Variants in HJV observed in about 807,000 individuals in gnomAD.
The protein encoded by HJV is hemojuvelin BMP co-receptor.
In HJV, 18 loss-of-function variants were observed where a neutral mutation model predicts 22.7. The observed-to-expected ratio is 0.79, with a 90% CI of 0.55 to 1.18. The LOEUF is 1.18. Among genes scored for constraint, HJV ranks in the 50% most tolerant of loss-of-function variants. HJV has a pLI of 0.00. For synonymous variants in HJV, 229 were observed against 222.7 expected (o/e 1.03, Z -0.25); for missense variants, 572 against 553.0 (o/e 1.03, Z -0.34).
In HJV at chr1:146,017,872, C is replaced by G; in HGVS notation, c.*205G>C. ...CTGGAAAAATTGGTGAAGAGCCCCA[C>G]AGAGATCCGGAATGCAGTAACCTTG... is the stretch of plus-strand genomic sequence containing the variant. On this transcript the variant is annotated 3_prime_UTR_variant, in exon 4 of 4. Coordinates refer to ENST00000336751, the MANE Select transcript of HJV (RefSeq NM_213653.4). 1.6e-6 allele frequency: 1 copy of G among 623,326 alleles called. No individual in the cohort carries two copies. The highest frequency in any genetic ancestry group is 2.9e-6 in the Non-Finnish European group (1 of 350,602). The allele number at this position is 623,326 out of a possible 1,614,324, so 38.6% of individuals were successfully genotyped here. A position where few individuals can be genotyped will look rare whatever the true frequency, so the allele number is the denominator to read the frequency against.
rs781898605 is a variant in HJV, at chr1:146,018,342, G to T, written c.1016C>A (p.Thr339Asn). ...GCACAGCCGTCTGGCAGTATCAATGGTTATAGCTCCCCGACGATTGCGCTC... is the reference window on the plus strand; with the variant it reads ...GCACAGCCGTCTGGCAGTATCAATGTTTATAGCTCCCCGACGATTGCGCTC... ...RSERNRRGAI[T>N]IDTARRLCKE... The change falls in exon 4 of 4, where the codon ACC becomes AAC. Residue 339 changes from threonine to asparagine, a missense_variant. Coordinates refer to ENST00000336751, the MANE Select transcript of HJV (RefSeq NM_213653.4). 1.2e-6 allele frequency: 2 copies of T among 1,614,198 alleles called. No homozygotes were observed. The highest frequency in any genetic ancestry group is 1.7e-5 in the Admixed American group (1 of 60,028).
chr1:146,019,599 C>G lies in HJV; in HGVS notation c.233G>C (p.Gly78Ala), dbSNP rs1652586745. 1 of 1,613,530 alleles carries G rather than the reference C, an allele frequency of 6.2e-7. No individual in the cohort carries two copies. The change falls in exon 3 of 4, where the codon GGC (glycine) becomes GCC (alanine). Residue 78 changes from glycine (G) to alanine (A), a missense_variant. Transcript: ENST00000336751. ...ATAGGAGCGGAGGGCTCGACAGAGG[C>G]CGCCAGAGCCCACCCCTCCACCCCG... ...GGRGGGVGSG[G>A]LCRALRSYAL...
chr1:146,020,499 CT>C (rs1553769990), intron 1 of HJV, among the ~76,000 whole-genome samples, 179 bp from the exon 2 acceptor site: 2 of 152,170 alleles, frequency 1.3e-5, no homozygotes, highest in African/African-American at 4.8e-5. Context: ...CCTGTGGCCA[CT>C]TTTAGGGCCC....
chr1:146,021,000 C>A (rs1364642205), intron 1 of HJV, among the ~76,000 whole-genome samples: 1 of 152,198 alleles, frequency 6.6e-6, no homozygotes, highest in African/African-American at 2.4e-5. Flanking sequence ...TTCCATTAAT[C>A]TCTTCTTTTC....
chr1:146,019,583 G>A lies in HJV; in HGVS notation c.249C>T (p.Leu83=). The change falls in exon 3 of 4, where the codon CTC becomes CTT. Residue 83 remains leucine, a synonymous_variant. Coordinates refer to ENST00000336751, the MANE Select transcript of HJV (RefSeq NM_213653.4). ...GCCGAGTGCAGAGCGCATAGGAGCGGAGGGCTCGACAGAGGCCGCCAGAGC... is the reference window on the plus strand; with the variant it reads ...GCCGAGTGCAGAGCGCATAGGAGCGAAGGGCTCGACAGAGGCCGCCAGAGC... ...GVGSGGLCRA[L]RSYALCTRRT... is the part of the protein sequence containing the mutation. 2 of 1,613,610 alleles carry A rather than the reference G, an allele frequency of 1.2e-6. No individual in the cohort carries two copies. Among genetic ancestry groups the A allele is most frequent in the Non-Finnish European group, 8.5e-7 (1 of 1,180,014 alleles).
In HJV at chr1:146,019,690, A is replaced by G; in HGVS notation, c.142T>C (p.Ser48Pro). The G allele has an allele frequency of 1.2e-6, 2 of 1,613,930 alleles. No individual in the cohort carries two copies. The highest frequency in any genetic ancestry group is 1.7e-6 in the Non-Finnish European group (2 of 1,179,974). Residue 48 changes from serine (S) to proline (P), a missense_variant, in exon 3 of 4, where the codon TCG (serine) becomes CCG (proline). By Grantham distance (74) the Ser-to-Pro change is moderately conservative (BLOSUM62 -1). Coordinates refer to ENST00000336751, the MANE Select transcript of HJV (RefSeq NM_213653.4). ...KILRCNAEYV[S>P]STLSLRGGGS... ...CCACCTCTAAGGCTCAGAGTGGACG[A>G]TACGTACTCAGCATTGCAGCGGAGG...
chr1:146,017,626 T>A lies in HJV; in HGVS notation c.*451A>T. 1 of 214,090 alleles carries A rather than the reference T, an allele frequency of 4.7e-6. No individual in the cohort carries two copies. Among genetic ancestry groups the A allele is most frequent in the South Asian group, 8.8e-5 (1 of 11,408 alleles). 13.3% of individuals were successfully genotyped at this position (214,090 alleles called of 1,614,324 possible). ...TTGAATCAAGAAAGCAGAACATACC[T>A]TACACACACATATTCATCAAATAGA... On this transcript the variant is annotated 3_prime_UTR_variant, in exon 4 of 4. Coordinates refer to ENST00000336751, the MANE Select transcript of HJV (RefSeq NM_213653.4).
intron 2 of HJV, among the ~76,000 whole-genome samples, 162 bp downstream of exon 2, chr1:146,019,973 C>T (rs1652618804): frequency 6.6e-6 from 1 of 152,252 alleles, no homozygotes. Flanking sequence ...CAGTGGCCTT[C>T]CCCAGACTGA....
In HJV at chr1:146,019,378, C is replaced by A. The variant is rs781817183; in HGVS notation, c.454G>T (p.Gly152Cys). ...CGACCATGCAGCCGGGAAAACCGGC[C>A]TTCATAGTCACAAGGGTCCGGGGCA... ...LPAPDPCDYEGRFSRLHGRPP... is the reference protein window; with the variant it reads ...LPAPDPCDYECRFSRLHGRPP... Residue 152 changes from glycine to cysteine, a missense_variant, in exon 3 of 4, where the codon GGC becomes TGC. By Grantham distance (159) the Gly-to-Cys change is radical. Transcript: ENST00000336751. The A allele has an allele frequency of 2.9e-5, 47 of 1,613,638 alleles. No individual in the cohort carries two copies. Among genetic ancestry groups the A allele is most frequent in the Non-Finnish European group, 3.9e-5 (46 of 1,180,020 alleles).
intron 2 of HJV, among the ~76,000 whole-genome samples, 195 bp from the exon 3 acceptor site, chr1:146,019,929 C>T (rs1229151411): frequency 6.6e-6 from 1 of 152,084 alleles, no homozygotes; most frequent in Non-Finnish European, 1.5e-5. Flanking sequence ...GTAAGCCTGC[C>T]ACATCTCTTC....
chr1:146,020,195 AG>A lies in HJV; in HGVS notation c.36del (p.Ser13ProfsTer8). ...CTTAGAGTTGGGGGACTGCCATGGG[AG>A]GACCTGGGACTAGGGGACTGGCCTG... is the stretch of plus-strand genomic sequence containing the variant. Reference protein sequence around the residue: ...GEPGQSPSPRSSHGSPPTLST... With the variant: ...GEPGQSPSPRXSHGSPPTLST... On this transcript the variant is annotated frameshift_variant, in exon 2 of 4. Coordinates refer to ENST00000336751, the MANE Select transcript of HJV (RefSeq NM_213653.4). LOFTEE classifies it high-confidence loss of function. 1 of 1,613,424 alleles carries A rather than the reference AG, an allele frequency of 6.2e-7. No individual in the cohort carries two copies. The highest frequency in any genetic ancestry group is 1.1e-5 in the South Asian group (1 of 91,064).
At chr1:146,020,347 G>A (rs1320444509) in intron 1 of HJV, 27 bp from the exon 2 acceptor site, 6 of 751,598 alleles carry the variant, frequency 8.0e-6, no homozygotes, top group Non-Finnish European at 1.5e-5. Flanking sequence ...GGCTGGACAT[G>A]GAGAGAGAGA....
At position 146,018,779 on chromosome 1, in the gene HJV, G is replaced by A; in HGVS notation, c.658-79C>T. 5 of 1,450,190 alleles carry A rather than the reference G, an allele frequency of 3.4e-6. No individual in the cohort carries two copies. The Admixed American group carries it at 5.0e-5, about 15-fold the overall frequency. 89.8% of individuals were successfully genotyped at this position (1,450,190 alleles called of 1,614,324 possible). A position where few individuals can be genotyped will look rare whatever the true frequency, so the allele number is the denominator to read the frequency against. On this transcript the variant is annotated intron_variant, in intron 3 of 3. Coordinates refer to ENST00000336751, the MANE Select transcript of HJV (RefSeq NM_213653.4). ...CAATCAGACCTCATACATAGTTAGA[G>A]ATCTGATCCAAGTAGAGATGCAGGA...
In HJV at chr1:146,019,066, G is replaced by A; in HGVS notation, c.657+109C>T. On this transcript the variant is annotated intron_variant, in intron 3 of 3. Transcript: ENST00000336751. Reference sequence around the variant, plus strand: ...GATTCGAGATGGGGGAGAGGTTGAGGAAGAAAAGGGAATTAGGGAGCATTG... The same window carrying A: ...GATTCGAGATGGGGGAGAGGTTGAGAAAGAAAAGGGAATTAGGGAGCATTG... The A allele has an allele frequency of 3.1e-6, 3 of 970,154 alleles. No individual in the cohort carries two copies. The South Asian group carries it at 3.9e-5, about 13-fold the overall frequency. 60.1% of individuals were successfully genotyped at this position (970,154 alleles called of 1,614,324 possible). A position where few individuals can be genotyped will look rare whatever the true frequency, so the allele number is the denominator to read the frequency against.
rs782760837 is a variant in HJV at position 146,018,357 on chromosome 1, C to T, written c.1001G>A (p.Arg334His). Residue 334 changes from arginine (R) to histidine (H), a missense_variant, in exon 4 of 4, where the codon CGT becomes CAT. By Grantham distance (29) the Arg-to-His change is conservative (BLOSUM62 0). Coordinates refer to ENST00000336751, the MANE Select transcript of HJV (RefSeq NM_213653.4). Reference protein sequence around the residue: ...SQRLSRSERNRRGAITIDTAR... With the variant: ...SQRLSRSERNHRGAITIDTAR... ...AGTATCAATGGTTATAGCTCCCCGA[C>T]GATTGCGCTCTGATCGAGAGAGTCG... The T allele has an allele frequency of 6.2e-5, 100 of 1,614,098 alleles. No individual in the cohort carries two copies. Among genetic ancestry groups the T allele is most frequent in the South Asian group, 3.2e-4 (29 of 91,092 alleles).
At chr1:146,021,196 G>A (rs797029371) in intron 1 of HJV, among the ~76,000 whole-genome samples, 8 of 152,274 alleles carry the variant, frequency 5.3e-5, no homozygotes, top group African/African-American at 1.7e-4. Context: ...CCCATGCTTG[G>A]AATCTCAATG....
Position 146,019,211 on chromosome 1 carries a change from G to C in HJV, c.621C>G (p.Pro207=), listed in dbSNP as rs782220317. The C allele has an allele frequency of 6.2e-7, 1 of 1,614,160 alleles. No individual in the cohort carries two copies. The highest frequency in any genetic ancestry group is 8.5e-7 in the Non-Finnish European group (1 of 1,180,026). The change falls in exon 3 of 4, where the codon CCC becomes CCG. Residue 207 remains proline, a synonymous_variant. Coordinates refer to ENST00000336751, the MANE Select transcript of HJV (RefSeq NM_213653.4). ...DFLFVQATSS[P]MALGANATAT... The stretch of plus-strand genomic sequence containing the variant: ...CGGTAGCGTTGGCCCCCAACGCCAT[G>C]GGGGAGCTGGTGGCTTGGACAAAGA...
Position 146,018,613 on chromosome 1 carries a change from C to G in HJV, c.745G>C (p.Asp249His), listed in dbSNP as rs1553769514. The G allele has an allele frequency of 6.2e-7, 1 of 1,614,082 alleles. No homozygotes were observed. The highest frequency in any genetic ancestry group is 2.2e-5 in the East Asian group (1 of 44,898). Residue 249 changes from aspartate to histidine, a missense_variant, in exon 4 of 4, where the codon GAT (aspartate) becomes CAT (histidine). By Grantham distance (81) the Asp-to-His change is moderately conservative. Coordinates refer to ENST00000336751, the MANE Select transcript of HJV (RefSeq NM_213653.4). ...CGGTCACCTCCATTGATAGAACCATCTTCAAAGGCTACAGGAAGATTATCC... is the reference window on the plus strand; with the variant it reads ...CGGTCACCTCCATTGATAGAACCATGTTCAAAGGCTACAGGAAGATTATCC... ...EVDNLPVAFE[D>H]GSINGGDRPG...
In HJV at chr1:146,018,693, A is replaced by G; in HGVS notation, c.665T>C (p.Ile222Thr). The change falls in exon 4 of 4, where the codon ATC becomes ACC. Residue 222 changes from isoleucine to threonine, a missense_variant. Physicochemically the swap from Ile to Thr is moderately conservative, Grantham distance 89. Coordinates refer to ENST00000336751, the MANE Select transcript of HJV (RefSeq NM_213653.4). ...ANATATRKLT[I>T]IFKNMQECID... Reference sequence around the variant, plus strand: ...GCATTCCTGCATGTTCTTAAATATGATGGTGAGCTGTGAGGACAAGAGGGA... The same window carrying G: ...GCATTCCTGCATGTTCTTAAATATGGTGGTGAGCTGTGAGGACAAGAGGGA... 1.2e-6 allele frequency: 2 copies of G among 1,614,130 alleles called. No individual in the cohort carries two copies. Among genetic ancestry groups the G allele is most frequent in the Non-Finnish European group, 1.7e-6 (2 of 1,180,018 alleles).
Sources: allele counts gnomAD v4.1 joint callset (sites outside exome capture counted in the v4.1 genomes callset), GRCh38; gene constraint gnomAD v4.1.1; transcripts MANE v1.5; gene names NCBI Gene and HGNC (gene_info 2026-07-23, HGNC 2026-07-21).